PAH: variants seen among roughly 807,000 people sequenced by gnomAD.
The protein encoded by PAH is phenylalanine-4-hydroxylase.
Under a neutral mutation model 62.0 loss-of-function variants are expected in PAH, and 64 were observed. The observed-to-expected ratio is 1.03, with a 90% CI of 0.84 to 1.27. The LOEUF (loss-of-function observed/expected upper bound fraction) is 1.27. PAH is among the 50% of genes most tolerant of loss of function. The pLI is 0.00. For synonymous variants in PAH, 195 were observed against 196.2 expected (o/e 0.99, Z 0.05); for missense variants, 579 against 542.8 (o/e 1.07, Z -0.66).
chr12:102,873,410 T>C (rs1450767564), intron 4 of PAH, among the ~76,000 whole-genome samples: 1 of 152,176 alleles, frequency 6.6e-6, no homozygotes, highest in Non-Finnish European at 1.5e-5. Context: ...CAGCCATTGG[T>C]GGAAGGAGGC....
At chr12:102,930,699 G>A (rs1312446909) in intron 1 of PAH, among the ~76,000 whole-genome samples, 1 of 152,190 alleles carries the variant, frequency 6.6e-6, no homozygotes, top group Non-Finnish European at 1.5e-5. Context: ...CATGTTATAT[G>A]GGGTCTAGTT....
intron 1 of PAH, among the ~76,000 whole-genome samples, chr12:102,928,189 T>A (rs990141554): frequency 2.6e-5 from 4 of 152,196 alleles, no homozygotes; most frequent in African/African-American, 4.8e-5. Flanking sequence ...AGTAGTTGTA[T>A]ATATTTGTGG....
intron 5 of PAH, among the ~76,000 whole-genome samples, chr12:102,861,004 A>G (rs1875688939): frequency 6.6e-6 from 1 of 152,260 alleles, no homozygotes; most frequent in African/African-American, 2.4e-5. Context: ...TAAACTAAAG[A>G]GCTTCTGCAC....
At chr12:102,900,333 G>C (rs955555195) in intron 2 of PAH, among the ~76,000 whole-genome samples, 1 of 152,168 alleles carries the variant, frequency 6.6e-6, no homozygotes, top group Non-Finnish European at 1.5e-5. Flanking sequence ...ACAGGCGTGA[G>C]CCACTGTGCC....
At chr12:102,845,660 T>A (rs1393206357) in intron 9 of PAH, among the ~76,000 whole-genome samples, 2 of 152,150 alleles carry the variant, frequency 1.3e-5, no homozygotes, top group African/African-American at 4.8e-5. Flanking sequence ...GGGTAGGTTA[T>A]TAGTTACATC....
chr12:102,840,374 G>T, intron 12 of PAH, 26 bp downstream of exon 12: 2 of 1,320,616 alleles, frequency 1.5e-6, no homozygotes, highest in Non-Finnish European at 2.2e-6. Flanking sequence ...GAAACCGAGT[G>T]GCCTCGTAAG....
At chr12:102,887,456 G>C (rs1056931480) in intron 3 of PAH, among the ~76,000 whole-genome samples, 1 of 152,058 alleles carries the variant, frequency 6.6e-6, no homozygotes, top group Admixed American at 6.5e-5. Flanking sequence ...TCAATGAGGT[G>C]GTGGCTGCCA....
chr12:102,944,692 G>A (rs1029263665), intron 1 of PAH, among the ~76,000 whole-genome samples: 1 of 152,184 alleles, frequency 6.6e-6, no homozygotes, highest in South Asian at 2.1e-4. Flanking sequence ...CCTCAAAGCA[G>A]GTATTCTGAA....
At chr12:102,906,434 A>G (rs1366780281) in intron 2 of PAH, among the ~76,000 whole-genome samples, 1 of 152,194 alleles carries the variant, frequency 6.6e-6, no homozygotes, top group Non-Finnish European at 1.5e-5. Context: ...CTGTGACTAT[A>G]GAAACTAGAA....
intron 2 of PAH, among the ~76,000 whole-genome samples, chr12:102,897,225 T>C (rs1877541510): frequency 6.6e-6 from 1 of 152,088 alleles, no homozygotes; most frequent in African/African-American, 2.4e-5. Context: ...TTCTCACCTG[T>C]ACCACCTTTA....
At chr12:102,953,589 T>TC (rs1879829935), upstream of PAH, 1 of 152,090 alleles carries the variant, frequency 6.6e-6, no homozygotes, top group East Asian at 1.9e-4. Flanking sequence ...GAAAGCCATC[T>TC]CCCCCTACAG....
upstream of PAH, among the ~76,000 whole-genome samples, chr12:102,918,669 GC>G (rs1212063021): frequency 2.0e-5 from 3 of 151,110 alleles, no homozygotes; most frequent in Admixed American, 2.0e-4. Flanking sequence ...TCTACTGTCT[GC>G]TAAGAATACA....
intron 1 of PAH, among the ~76,000 whole-genome samples, chr12:102,913,135 A>G (rs1165259227): frequency 6.6e-6 from 1 of 152,220 alleles, no homozygotes; most frequent in Non-Finnish European, 1.5e-5. Context: ...ATCTTCAATT[A>G]TTCATTGATG....
At chr12:102,844,530 T>A in intron 9 of PAH, 99 bp from the exon 10 acceptor site, 1 of 811,414 alleles carries the variant, frequency 1.2e-6, no homozygotes, top group Non-Finnish European at 2.1e-6. Flanking sequence ...AGTAAAGCAT[T>A]ATTTTGGGGT....
At chr12:102,863,758 T>C (rs1391129949) in intron 5 of PAH, among the ~76,000 whole-genome samples, 1 of 152,142 alleles carries the variant, frequency 6.6e-6, no homozygotes, top group African/African-American at 2.4e-5. Flanking sequence ...GAGCCTAAAC[T>C]ACCCGCCTTA....
intron 3 of PAH, among the ~76,000 whole-genome samples, chr12:102,886,669 C>T (rs1204844906): frequency 6.6e-6 from 1 of 151,920 alleles, no homozygotes; most frequent in African/African-American, 2.4e-5. Flanking sequence ...GGCCCTGCTC[C>T]CCTTCTTCTC....
At chr12:102,936,433 T>C (rs1056186598) in intron 1 of PAH, among the ~76,000 whole-genome samples, 6 of 152,230 alleles carry the variant, frequency 3.9e-5, no homozygotes, top group Admixed American at 2.0e-4. Flanking sequence ...GATATTTCTT[T>C]GTTAATTTTC....
At chr12:102,900,512 G>A (rs1178047898) in intron 2 of PAH, among the ~76,000 whole-genome samples, 2 of 152,156 alleles carry the variant, frequency 1.3e-5, no homozygotes, top group Non-Finnish European at 2.9e-5. Flanking sequence ...TGGGAGTTAT[G>A]TAACTGCTAC....
At chr12:102,862,566 G>T (rs1348047916) in intron 5 of PAH, among the ~76,000 whole-genome samples, 1 of 151,750 alleles carries the variant, frequency 6.6e-6, no homozygotes, top group African/African-American at 2.4e-5. Flanking sequence ...CTAAATTAAA[G>T]ATTTTAAAAA....
Sources: gnomAD v4.1 joint callset for allele counts (sites outside exome capture counted in the v4.1 genomes callset) on GRCh38, gnomAD v4.1.1 for gene constraint, MANE v1.5 for transcripts, NCBI Gene and HGNC (gene_info 2026-07-23, HGNC 2026-07-21) for gene names.